ANXA2: variants seen among roughly 807,000 people sequenced by gnomAD.
The protein encoded by ANXA2 is annexin II.
In ANXA2, 28 loss-of-function variants were observed where a neutral mutation model predicts 47.3. The ratio of observed to expected loss-of-function variants is 0.59; its 90% confidence interval spans 0.44 to 0.81. The LOEUF (loss-of-function observed/expected upper bound fraction) is 0.81. Among genes scored for constraint, ANXA2 ranks in the 40% least tolerant of loss-of-function variants. The pLI is 0.00. For missense variants in ANXA2, 384 were observed against 414.3 expected (o/e 0.93, Z 0.64); for synonymous variants, 172 against 155.5 (o/e 1.11, Z -0.79).
At chr15:60,394,373 C>T (rs925191309) in intron 1 of ANXA2, among the ~76,000 whole-genome samples, 12 of 152,116 alleles carry the variant, frequency 7.9e-5, no homozygotes, top group Non-Finnish European at 1.6e-4. Flanking sequence ...TGGGTGCTAC[C>T]GACCTGTCCA....
chr15:60,368,870 A>G (rs542947196), intron 3 of ANXA2, among the ~76,000 whole-genome samples: 21 of 152,206 alleles, frequency 1.4e-4, no homozygotes, highest in Non-Finnish European at 2.5e-4. Context: ...TAGAAAACAC[A>G]GTATGCATGG....
chr15:60,348,056 G>A (rs116803511), intron 12 of ANXA2, among the ~76,000 whole-genome samples: 2 of 152,190 alleles, frequency 1.3e-5, no homozygotes, highest in South Asian at 4.1e-4. Context: ...AGAAAACAGG[G>A]TACTTTCCTA....
chr15:60,348,974 A>G (rs920799137), intron 12 of ANXA2, 101 bp downstream of exon 12: 2 of 1,413,990 alleles, frequency 1.4e-6, no homozygotes, highest in Non-Finnish European at 2.0e-6. Context: ...GAGAGTCAGA[A>G]AACAGAAAAT....
intron 3 of ANXA2, among the ~76,000 whole-genome samples, chr15:60,370,759 T>A (rs886931208): frequency 8.5e-5 from 13 of 152,198 alleles, no homozygotes; most frequent in African/African-American, 3.1e-4. Flanking sequence ...TGATTTATAC[T>A]CTCTGACCTC....
chr15:60,358,430 C>A (rs905710124), intron 5 of ANXA2, among the ~76,000 whole-genome samples: 1 of 152,174 alleles, frequency 6.6e-6, no homozygotes, highest in Admixed American at 6.5e-5. Context: ...AGAATTACAA[C>A]TGTTTAAAAT....
intron 10 of ANXA2, 93 bp downstream of exon 10, chr15:60,351,631 C>T: frequency 2.4e-6 from 2 of 824,642 alleles, no homozygotes; most frequent in Non-Finnish European, 4.2e-6. Flanking sequence ...AGAAGCCACA[C>T]CTCCCAAACA....
At chr15:60,384,674 C>A (rs969765314) in intron 2 of ANXA2, 1 of 152,160 alleles carries the variant, frequency 6.6e-6, no homozygotes, top group Non-Finnish European at 1.5e-5. Flanking sequence ...AGCATGCACA[C>A]GTTTCAAGAA....
chr15:60,349,597 T>G (rs1371059414), intron 11 of ANXA2, among the ~76,000 whole-genome samples: 1 of 152,134 alleles, frequency 6.6e-6, no homozygotes, highest in East Asian at 1.9e-4. Context: ...TAGGGCACAG[T>G]GTACACTGCC....
rs761662961 is a variant in ANXA2, at chr15:60,382,339, T to A, written c.148+3A>T. The stretch of plus-strand genomic sequence containing the variant: ...ACAAGAAGAGGACAAATGTATCACC[T>A]ACCTTTGGTCTTGATGGCTGTTTCA... On this transcript the variant is annotated splice_donor_region_variant and intron_variant, in intron 3 of 12. Transcript: ENST00000451270. 1 of 1,611,304 alleles carries A rather than the reference T, an allele frequency of 6.2e-7. No individual in the cohort carries two copies. The highest frequency in any genetic ancestry group is 8.5e-7 in the Non-Finnish European group (1 of 1,177,518).
At chr15:60,387,956 G>C (rs986368172) in intron 1 of ANXA2, among the ~76,000 whole-genome samples, 2 of 152,094 alleles carry the variant, frequency 1.3e-5, no homozygotes, top group South Asian at 4.1e-4. Context: ...GTGGGAGGCC[G>C]AGGCAGGCAG....
intron 1 of ANXA2, chr15:60,393,520 A>ACACACACACATG: frequency 1.0e-6 from 1 of 990,322 alleles, no homozygotes; most frequent in Non-Finnish European, 1.2e-6. Context: ...TATCTTCTAT[A>ACACACACACATG]CACACACACA....
In ANXA2 at chr15:60,347,463, C is replaced by G. The variant is rs184828726; in HGVS notation, c.*167G>C. ...TCTTTGGCTTACAGGAGAGACTAGA[C>G]AGGAAGGCCAGGCAATGCTTAGGCA... On this transcript the variant is annotated 3_prime_UTR_variant, in exon 13 of 13. Transcript: ENST00000451270. 61 of 637,232 alleles carry G rather than the reference C, an allele frequency of 9.6e-5. No homozygotes were observed. The highest frequency in any genetic ancestry group is 8.4e-4 in the East Asian group (31 of 36,768). The allele number at this position is 637,232 out of a possible 1,614,324, so 39.5% of individuals were successfully genotyped here. A position where few individuals can be genotyped will look rare whatever the true frequency, so the allele number is the denominator to read the frequency against.
chr15:60,388,364 T>C (rs1314264279), intron 1 of ANXA2, among the ~76,000 whole-genome samples: 1 of 152,090 alleles, frequency 6.6e-6, no homozygotes, highest in Non-Finnish European at 1.5e-5. Context: ...AAAAATTATA[T>C]AAAATTTCTC....
chr15:60,349,294 C>T (rs548951196), intron 11 of ANXA2, 97 bp from the exon 12 acceptor site: 1 of 1,428,638 alleles, frequency 7.0e-7, no homozygotes, highest in Non-Finnish European at 9.6e-7. Flanking sequence ...AATCTGAAAT[C>T]TAAAATGCTC....
chr15:60,396,400 G>A (rs1242591129), intron 1 of ANXA2: 1 of 152,180 alleles, frequency 6.6e-6, no homozygotes, highest in Non-Finnish European at 1.5e-5. Flanking sequence ...CTGTTGTAAT[G>A]CGTCACGGAA....
At chr15:60,396,971 T>C (rs1010949161) in intron 1 of ANXA2, among the ~76,000 whole-genome samples, 2 of 152,256 alleles carry the variant, frequency 1.3e-5, no homozygotes, top group African/African-American at 4.8e-5. Context: ...TATTACCTAA[T>C]GACTGTGTTT....
intron 11 of ANXA2, among the ~76,000 whole-genome samples, chr15:60,349,466 A>G (rs932042143): frequency 2.0e-5 from 3 of 152,180 alleles, no homozygotes; most frequent in Non-Finnish European, 4.4e-5. Flanking sequence ...AATGAATCTC[A>G]AGTTTAGACT....
At chr15:60,361,146 A>C in intron 4 of ANXA2, 92 bp from the exon 5 acceptor site, 1 of 892,258 alleles carries the variant, frequency 1.1e-6, no homozygotes. Context: ...TTTGTGAAGC[A>C]GGTTGTGAGT....
At chr15:60,370,370 A>T (rs2062695408) in intron 3 of ANXA2, among the ~76,000 whole-genome samples, 1 of 152,210 alleles carries the variant, frequency 6.6e-6, no homozygotes, top group Admixed American at 6.5e-5. Context: ...TGGAAAGAGG[A>T]AAAAATCATG....
Sources: allele counts gnomAD v4.1 joint callset (sites outside exome capture counted in the v4.1 genomes callset), GRCh38; gene constraint gnomAD v4.1.1; transcripts MANE v1.5; gene names NCBI Gene and HGNC (gene_info 2026-07-23, HGNC 2026-07-21).